GPCPD1: variants seen among roughly 807,000 people sequenced by gnomAD.
The protein encoded by GPCPD1 is glycerophosphocholine phosphodiesterase 1.
Under a neutral mutation model 89.2 loss-of-function variants are expected in GPCPD1, and 29 were observed. The observed-to-expected ratio is 0.33, with a 90% CI of 0.24 to 0.44. The LOEUF (loss-of-function observed/expected upper bound fraction) is 0.44. GPCPD1 is among the 20% of genes least tolerant of loss of function. The pLI is 1.00. For synonymous variants in GPCPD1, 258 were observed against 266.3 expected (o/e 0.97, Z 0.30); for missense variants, 594 against 808.9 (o/e 0.73, Z 3.22).
chr20:5,610,276 A>G (rs1980873569), intron 1 of GPCPD1, among the ~76,000 whole-genome samples: 1 of 152,316 alleles, frequency 6.6e-6, no homozygotes, highest in South Asian at 2.1e-4. Context: ...GGCACTCATG[A>G]CTATTCCTGG....
chr20:5,568,587 G>A (rs887614836), intron 12 of GPCPD1, among the ~76,000 whole-genome samples: 1 of 152,052 alleles, frequency 6.6e-6, no homozygotes, highest in African/African-American at 2.4e-5. Flanking sequence ...AGTAATATTT[G>A]AACTCTCATT....
intron 6 of GPCPD1, among the ~76,000 whole-genome samples, chr20:5,583,381 T>TA (rs36044037): frequency 0.24 from 36,165 of 149,826 alleles, 4,763 homozygotes; most frequent in East Asian, 0.43. Flanking sequence ...TCATCTATAC[T>TA]AAAAAAAAAT....
At chr20:5,574,040 G>A (rs1978284865) in intron 10 of GPCPD1, 71 bp from the exon 11 acceptor site, 4 of 878,668 alleles carry the variant, frequency 4.6e-6, no homozygotes, top group Non-Finnish European at 7.6e-6. Flanking sequence ...AAGAAGCAAA[G>A]TGTACTTTCA....
chr20:5,582,215 A>AAC (rs1978582047), intron 6 of GPCPD1, among the ~76,000 whole-genome samples: 1 of 145,790 alleles, frequency 6.9e-6, no homozygotes, highest in African/African-American at 2.5e-5. Flanking sequence ...AAAAAAAAAA[A>AAC]AAAACTACTA....
Position 5,575,956 on chromosome 20 carries a change from A to G in GPCPD1, c.728T>C (p.Val243Ala). ...ATGTCCAGGAAGGGCATCACCCTGA[A>G]CTACGTGCTCACTGAGATCTTCCTG... ...FFEEDLSEHVVQGDALPGHVG... is the reference protein window; with the variant it reads ...FFEEDLSEHVAQGDALPGHVG... Residue 243 changes from valine to alanine, a missense_variant, in exon 9 of 20, where the codon GTT (valine) becomes GCT (alanine). Val to Ala is a moderately conservative substitution (Grantham distance 64). Transcript: ENST00000379019. The G allele has an allele frequency of 6.3e-7, 1 of 1,595,418 alleles. No homozygotes were observed. The highest frequency in any genetic ancestry group is 8.6e-7 in the Non-Finnish European group (1 of 1,168,120).
chr20:5,598,805 T>C lies in GPCPD1; in HGVS notation c.66A>G (p.Ile22Met). 1.9e-6 allele frequency: 3 copies of C among 1,610,572 alleles called. No homozygotes were observed. Among genetic ancestry groups the C allele is most frequent in the Non-Finnish European group, 2.5e-6 (3 of 1,176,822 alleles). Residue 22 changes from isoleucine (I) to methionine (M), a missense_variant, in exon 3 of 20, where the codon ATA becomes ATG. Transcript: ENST00000379019. Reference sequence around the variant, plus strand: ...TTCCCAAAGCATCACAGCTTCCACATATCGCAAAAACTTCTCCTAAAGAAA... The same window carrying C: ...TTCCCAAAGCATCACAGCTTCCACACATCGCAAAAACTTCTCCTAAAGAAA... ...GTLLPGEVFAICGSCDALGNW... is the reference protein window; with the variant it reads ...GTLLPGEVFAMCGSCDALGNW...
At chr20:5,560,100 A>C (rs769704128) in intron 16 of GPCPD1, 24 bp from the exon 17 acceptor site, 1 of 1,498,870 alleles carries the variant, frequency 6.7e-7, no homozygotes, top group African/African-American at 1.4e-5. Flanking sequence ...AAGCAAAATA[A>C]AAGTCACTGC....
At chr20:5,561,390 T>G in intron 16 of GPCPD1, 75 bp downstream of exon 16, 1 of 780,946 alleles carries the variant, frequency 1.3e-6, no homozygotes. Flanking sequence ...TCCATTAAAA[T>G]ACAAAGACAG....
chr20:5,582,891 A>C (rs1465836885), intron 6 of GPCPD1, among the ~76,000 whole-genome samples: 15 of 151,316 alleles, frequency 9.9e-5, no homozygotes, highest in African/African-American at 3.6e-4. Context: ...TCCATCTCAA[A>C]AGAAAAAAAA....
chr20:5,552,018 CT>C (rs1379752542), intron 19 of GPCPD1, among the ~76,000 whole-genome samples: 2 of 152,132 alleles, frequency 1.3e-5, no homozygotes, highest in Non-Finnish European at 2.9e-5. Flanking sequence ...ATAGAGGTAA[CT>C]GCCAGAAGAG....
At chr20:5,548,999 C>A in intron 19 of GPCPD1, 1 of 760,186 alleles carries the variant, frequency 1.3e-6, no homozygotes, top group Non-Finnish European at 2.1e-6. Context: ...CAAAACTTGA[C>A]AAGCAAACCT....
chr20:5,572,737 T>C (rs1986792265), intron 11 of GPCPD1, among the ~76,000 whole-genome samples: 1 of 151,690 alleles, frequency 6.6e-6, no homozygotes, highest in African/African-American at 2.4e-5. Flanking sequence ...TCTCAGGTTA[T>C]TGATTAAAAA....
In GPCPD1 at chr20:5,547,118, G is replaced by A. The variant is rs1355481369; in HGVS notation, c.*543C>T. 2 of 152,492 alleles carry A rather than the reference G, an allele frequency of 1.3e-5. No homozygotes were observed. Among genetic ancestry groups the A allele is most frequent in the Non-Finnish European group, 2.9e-5 (2 of 68,030 alleles). 9.4% of individuals were successfully genotyped at this position (152,492 alleles called of 1,614,324 possible). On this transcript the variant is annotated 3_prime_UTR_variant, in exon 20 of 20. Coordinates refer to ENST00000379019, the MANE Select transcript of GPCPD1 (RefSeq NM_019593.5). ...GTGGAAAAATGGCAGCAGCCTCAAG[G>A]TTCATACTGAATGAAAATGGTGTTG...
At chr20:5,610,321 G>T (rs1288926128) in intron 1 of GPCPD1, among the ~76,000 whole-genome samples, 1 of 152,132 alleles carries the variant, frequency 6.6e-6, no homozygotes, top group African/African-American at 2.4e-5. Flanking sequence ...TAGTTTCTTG[G>T]AATAACTGAA....
At chr20:5,583,225 CAAAAAAAAAAA>C (rs35153907) in intron 6 of GPCPD1, among the ~76,000 whole-genome samples, 8 of 64,256 alleles carry the variant, frequency 1.2e-4, no homozygotes, top group Non-Finnish European at 1.9e-4. Flanking sequence ...AACTCCATCT[CAAAAAAAAAAA>C]AAAAAAAAAA....
intron 3 of GPCPD1, among the ~76,000 whole-genome samples, chr20:5,595,780 A>G (rs111251856): frequency 1.4e-3 from 208 of 147,926 alleles, no homozygotes; most frequent in African/African-American, 4.2e-3. Flanking sequence ...GAAAGTTGCC[A>G]TTTCTGCTAC....
intron 19 of GPCPD1, among the ~76,000 whole-genome samples, chr20:5,550,065 C>A (rs1054260035): frequency 1.3e-5 from 2 of 151,602 alleles, no homozygotes; most frequent in African/African-American, 4.8e-5. Context: ...TGGTGGCGTG[C>A]GCCTGTAGGC....
intron 11 of GPCPD1, 61 bp downstream of exon 11, chr20:5,573,854 G>A: frequency 1.1e-6 from 1 of 874,712 alleles, no homozygotes; most frequent in Non-Finnish European, 2.0e-6. Context: ...AAAACTGGAG[G>A]AGACTCCCTG....
chr20:5,548,296 A>C (rs1467932015), intron 19 of GPCPD1: 1 of 152,200 alleles, frequency 6.6e-6, no homozygotes, highest in African/African-American at 2.4e-5. Context: ...CAATAACGTC[A>C]GACACGTCCA....
Sources: allele counts gnomAD v4.1 joint callset (sites outside exome capture counted in the v4.1 genomes callset), GRCh38; gene constraint gnomAD v4.1.1; transcripts MANE v1.5; gene names NCBI Gene and HGNC (gene_info 2026-07-23, HGNC 2026-07-21).